RYR2: variants seen among roughly 807,000 people sequenced by gnomAD.
RYR2 encodes the protein cardiac muscle ryanodine receptor-calcium release channel.
Under a neutral mutation model 601.1 loss-of-function variants are expected in RYR2, and 227 were observed. That is an observed-to-expected ratio of 0.38 (90% CI 0.34 to 0.42). The LOEUF (loss-of-function observed/expected upper bound fraction) is 0.42, where lower values mean the gene tolerates loss of function less well. Ranked by LOEUF, RYR2 falls within the 10% of genes least tolerant of loss-of-function variation. RYR2 has a pLI of 1.00. For synonymous variants in RYR2, 2,223 were observed against 2,175.1 expected (o/e 1.02, Z -0.61); for missense variants, 4,646 against 6,156.5 (o/e 0.75, Z 8.21).
At chr1:237,108,792 T>C (rs921070909) in intron 1 of RYR2, among the ~76,000 whole-genome samples, 1 of 152,208 alleles carries the variant, frequency 6.6e-6, no homozygotes, top group African/African-American at 2.4e-5. Context: ...AAGCCTGCAA[T>C]GTTGTCTCTT....
intron 27 of RYR2, among the ~76,000 whole-genome samples, chr1:237,565,657 G>A (rs558878708): frequency 6.6e-6 from 1 of 152,280 alleles, no homozygotes; most frequent in East Asian, 1.9e-4. Flanking sequence ...ATTTTTAGTT[G>A]TGCGATGTTG....
intron 27 of RYR2, among the ~76,000 whole-genome samples, chr1:237,559,230 A>G (rs950307173): frequency 2.0e-5 from 3 of 152,116 alleles, no homozygotes; most frequent in African/African-American, 7.2e-5. Flanking sequence ...TTATTTGATT[A>G]AAATGTCCAA....
chr1:237,783,824 G>A lies in RYR2; in HGVS notation c.12112G>A (p.Asp4038Asn), dbSNP rs1254415608. The A allele has an allele frequency of 2.5e-6, 4 of 1,613,760 alleles. No individual in the cohort carries two copies. The South Asian group carries it at 3.3e-5, about 13-fold the overall frequency. Residue 4038 changes from aspartate (D) to asparagine (N), a missense_variant, in exon 90 of 105, where the codon GAT (aspartate) becomes AAT (asparagine). Coordinates refer to ENST00000366574, the MANE Select transcript of RYR2 (RefSeq NM_001035.3). Reference protein sequence around the residue: ...SSDTFKEYDPDGKGVISKRDF... With the variant: ...SSDTFKEYDPNGKGVISKRDF... ...TGATACTTTTAAAGAATATGACCCC[G>A]ATGGCAAGGGAGTCATTTCCAAGAG...
chr1:237,418,509 A>T (rs1705235551), intron 11 of RYR2, among the ~76,000 whole-genome samples: 1 of 152,174 alleles, frequency 6.6e-6, no homozygotes, highest in Non-Finnish European at 1.5e-5. Flanking sequence ...AAATCCTTTC[A>T]TTATCAGTTT....
chr1:237,390,228 CTAAG>C (rs1702266551), intron 10 of RYR2, among the ~76,000 whole-genome samples: 1 of 146,652 alleles, frequency 6.8e-6, no homozygotes, highest in African/African-American at 2.8e-5. Flanking sequence ...GGAAGACAGA[CTAAG>C]TGTTTCTTAG....
At chr1:237,594,536 G>C (rs1282970509) in intron 33 of RYR2, among the ~76,000 whole-genome samples, 3 of 152,064 alleles carry the variant, frequency 2.0e-5, no homozygotes, top group Non-Finnish European at 4.4e-5. Flanking sequence ...TAATTTTCAG[G>C]GATGGCAACA....
At chr1:237,749,543 A>T (rs1692366909) in intron 80 of RYR2, among the ~76,000 whole-genome samples, 1 of 152,152 alleles carries the variant, frequency 6.6e-6, no homozygotes, top group Non-Finnish European at 1.5e-5. Context: ...AACACAACAC[A>T]GGAGACCTGG....
intron 11 of RYR2, among the ~76,000 whole-genome samples, chr1:237,420,149 T>C (rs1445004600): frequency 3.9e-5 from 6 of 152,166 alleles, no homozygotes; most frequent in Non-Finnish European, 8.8e-5. Flanking sequence ...CATGGCCTTT[T>C]TAATAAATGG....
At chr1:237,574,885 C>A (rs1023228124) in intron 29 of RYR2, among the ~76,000 whole-genome samples, 8 of 152,152 alleles carry the variant, frequency 5.3e-5, no homozygotes, top group African/African-American at 1.9e-4. Context: ...AGCAGAGAAC[C>A]CAGCCCTACC....
At chr1:237,759,540 C>A (rs1693238561) in intron 82 of RYR2, among the ~76,000 whole-genome samples, 1 of 152,156 alleles carries the variant, frequency 6.6e-6, no homozygotes, top group Non-Finnish European at 1.5e-5. Flanking sequence ...TTACCCCTGA[C>A]ATTTTTGGTG....
chr1:237,446,712 C>G (rs1036499454), intron 14 of RYR2, among the ~76,000 whole-genome samples: 1 of 152,146 alleles, frequency 6.6e-6, no homozygotes, highest in African/African-American at 2.4e-5. Flanking sequence ...GCCACACATC[C>G]TAAGTGTTTA....
intron 100 of RYR2, among the ~76,000 whole-genome samples, chr1:237,813,343 A>G (rs1375329142): frequency 1.3e-5 from 2 of 152,232 alleles, no homozygotes; most frequent in Non-Finnish European, 2.9e-5. Flanking sequence ...CCTAAAGGCT[A>G]TGATGCTCAG....
chr1:237,548,614 C>T lies in RYR2; in HGVS notation c.3066+24C>T, dbSNP rs1285860081. On this transcript the variant is annotated intron_variant, in intron 26 of 104. Coordinates refer to ENST00000366574, the MANE Select transcript of RYR2 (RefSeq NM_001035.3). ...AGGTACATGGGAATTAGCATTTGGT[C>T]TGAGACTTACTTAAGTGGGAATTAG... 1.9e-6 allele frequency: 3 copies of T among 1,607,288 alleles called. No individual in the cohort carries two copies. In the Admixed American group the frequency reaches 5.1e-5, roughly 27 times the overall value.
At chr1:237,296,711 A>G (rs1692816831) in intron 2 of RYR2, among the ~76,000 whole-genome samples, 1 of 152,186 alleles carries the variant, frequency 6.6e-6, no homozygotes, top group African/African-American at 2.4e-5. Context: ...TTAAAACCAC[A>G]GGTTGGTGTG....
intron 1 of RYR2, among the ~76,000 whole-genome samples, chr1:237,152,771 C>G (rs1031536548): frequency 6.6e-6 from 1 of 152,088 alleles, no homozygotes; most frequent in African/African-American, 2.4e-5. Context: ...ATGAAATCAC[C>G]AAAAGCAATT....
chr1:237,511,433 T>C (rs1370899289), intron 23 of RYR2, among the ~76,000 whole-genome samples: 1 of 151,874 alleles, frequency 6.6e-6, no homozygotes, highest in Non-Finnish European at 1.5e-5. Context: ...TGTGGGAATC[T>C]GGGGTAGAAG....
intron 100 of RYR2, among the ~76,000 whole-genome samples, chr1:237,818,427 G>T (rs138147056): frequency 2.0e-5 from 3 of 152,206 alleles, no homozygotes; most frequent in South Asian, 2.1e-4. Flanking sequence ...TCATTTTTTA[G>T]CAGTAGGCAC....
intron 14 of RYR2, among the ~76,000 whole-genome samples, chr1:237,452,179 A>C (rs1343790729): frequency 1.4e-5 from 2 of 147,758 alleles, no homozygotes; most frequent in Non-Finnish European, 3.0e-5. Context: ...TATACGTGGA[A>C]GTGTTTAAAC....
At chr1:237,304,922 A>G (rs1428534879) in intron 2 of RYR2, among the ~76,000 whole-genome samples, 1 of 152,212 alleles carries the variant, frequency 6.6e-6, no homozygotes, top group Admixed American at 6.5e-5. Flanking sequence ...CATTTCACAG[A>G]AGAGGAAATG....
Sources: gnomAD v4.1 joint callset for allele counts (sites outside exome capture counted in the v4.1 genomes callset) on GRCh38, gnomAD v4.1.1 for gene constraint, MANE v1.5 for transcripts, NCBI Gene and HGNC (gene_info 2026-07-23, HGNC 2026-07-21) for gene names.